The following UGT1A6 variants were observed in gnomAD, a reference collection of about 807,000 sequenced individuals.
The protein encoded by UGT1A6 is UDP glucuronosyltransferase family 1 member A6.
Under a neutral mutation model 44.4 loss-of-function variants are expected in UGT1A6, and 32 were observed. The observed-to-expected ratio is 0.72, with a 90% CI of 0.54 to 0.97. The LOEUF is 0.97. Among genes scored for constraint, UGT1A6 ranks in the 50% least tolerant of loss-of-function variants. The pLI is 0.00. For missense variants in UGT1A6, 685 were observed against 661.9 expected (o/e 1.03, Z -0.38); for synonymous variants, 238 against 248.5 (o/e 0.96, Z 0.40).
intron 1 of UGT1A6, among the ~76,000 whole-genome samples, chr2:233,756,964 A>T (rs1482766015): frequency 6.6e-6 from 1 of 152,056 alleles, no homozygotes; most frequent in African/African-American, 2.4e-5. Flanking sequence ...GGCACTTGGT[A>T]AGCACGCAAT....
rs752968297 is a variant in UGT1A6 at position 233,768,220 on chromosome 2, G to T, written c.1082G>T (p.Gly361Val). 65 of 1,614,160 alleles carry T rather than the reference G, an allele frequency of 4.0e-5. No homozygotes were observed. In the Admixed American group the frequency reaches 1.0e-3, roughly 25 times the overall value. Residue 361 changes from glycine to valine, a missense_variant and splice_region_variant, in exon 4 of 5, where the codon GGT (glycine) becomes GTT (valine). Gly to Val is a moderately radical substitution (Grantham distance 109, BLOSUM62 -3). Transcript: ENST00000305139. Reference sequence around the variant, plus strand: ...ACATCCTCCCTATTTTGCATCTCAGGTCACCCGATGACCCGTGCCTTTATC... The same window carrying T: ...ACATCCTCCCTATTTTGCATCTCAGTTCACCCGATGACCCGTGCCTTTATC... ...VKWLPQNDLL[G>V]HPMTRAFITH...
intron 1 of UGT1A6, chr2:233,743,255 C>T: frequency 2.3e-6 from 1 of 438,832 alleles, no homozygotes; most frequent in Middle Eastern, 3.5e-4. Flanking sequence ...CTCAACTCTC[C>T]ATCTTCCTCC....
chr2:233,747,827 G>A, intron 1 of UGT1A6: 1 of 1,613,482 alleles, frequency 6.2e-7, no homozygotes, highest in Non-Finnish European at 8.5e-7. Context: ...CAGACCACAT[G>A]ACATTCCTGC....
At chr2:233,743,563 C>A (rs546286371) in intron 1 of UGT1A6, 1 of 1,367,296 alleles carries the variant, frequency 7.3e-7, no homozygotes, top group South Asian at 1.1e-5. Flanking sequence ...TATTCTCCAG[C>A]GGGTTTCCCA....
chr2:233,707,242 T>C (rs1364036901), intron 1 of UGT1A6, among the ~76,000 whole-genome samples: 1 of 152,184 alleles, frequency 6.6e-6, no homozygotes, highest in African/African-American at 2.4e-5. Flanking sequence ...ATTATTTCTC[T>C]TGTGTTTTTC....
At chr2:233,751,923 T>G (rs1390474537) in intron 1 of UGT1A6, among the ~76,000 whole-genome samples, 1 of 152,048 alleles carries the variant, frequency 6.6e-6, no homozygotes, top group Non-Finnish European at 1.5e-5. Context: ...ACAAGATTGG[T>G]GGTGATTGAA....
At position 233,704,405 on chromosome 2, in the gene UGT1A6, A is replaced by C. The variant is rs761303272; in HGVS notation, c.861+10540A>C. 5.7e-4 allele frequency among the ~76,000 whole-genome samples: 87 copies of C among 152,010 alleles called. 2 individuals carry two copies. The highest frequency in any genetic ancestry group is 1.3e-4 in the Admixed American group (2 of 15,270). On this transcript the variant is annotated intron_variant, in intron 1 of 4. Coordinates refer to ENST00000305139, the MANE Select transcript of UGT1A6 (RefSeq NM_001072.4). ...ATTTTAACTTACCAGTATCTACTTC[A>C]GATTTATACCAACTTAATTCCAGTT... is the stretch of plus-strand genomic sequence containing the variant.
At chr2:233,701,460 C>A (rs1437947511) in intron 1 of UGT1A6, among the ~76,000 whole-genome samples, 1 of 151,910 alleles carries the variant, frequency 6.6e-6, no homozygotes, top group Admixed American at 6.6e-5. Context: ...ACAAGGATAC[C>A]CAGGAATTGA....
chr2:233,762,377 A>G (rs182919265), intron 1 of UGT1A6, among the ~76,000 whole-genome samples: 1 of 152,252 alleles, frequency 6.6e-6, no homozygotes, highest in African/African-American at 2.4e-5. Context: ...ACCAATATGT[A>G]TATAGAAACA....
At chr2:233,732,018 C>A (rs1393703380) in intron 1 of UGT1A6, among the ~76,000 whole-genome samples, 1 of 152,210 alleles carries the variant, frequency 6.6e-6, no homozygotes, top group East Asian at 1.9e-4. Context: ...TTTTGATTTG[C>A]ATTTCTCTGA....
upstream of UGT1A6, chr2:233,692,823 T>C: frequency 7.0e-7 from 1 of 1,433,698 alleles, no homozygotes; most frequent in South Asian, 1.5e-5. Context: ...ATATTAACCA[T>C]GTGATTAAAA....
At chr2:233,700,335 A>C (rs923955753) in intron 1 of UGT1A6, among the ~76,000 whole-genome samples, 1 of 152,208 alleles carries the variant, frequency 6.6e-6, no homozygotes, top group Non-Finnish European at 1.5e-5. Context: ...CCTCTCTTTC[A>C]AAACCCTGTG....
At chr2:233,716,805 C>T (rs889271295) in intron 1 of UGT1A6, among the ~76,000 whole-genome samples, 2 of 152,120 alleles carry the variant, frequency 1.3e-5, no homozygotes, top group Non-Finnish European at 2.9e-5. Context: ...TGTCTCTGGA[C>T]GTTGCTGGGG....
In UGT1A6 at chr2:233,692,971, CTT is replaced by C. The variant is rs2075123431; in HGVS notation, c.-32_-31del. 2.5e-6 allele frequency: 4 copies of C among 1,611,844 alleles called. No homozygotes were observed. The highest frequency in any genetic ancestry group is 2.2e-5 in the South Asian group (2 of 90,282). The stretch of plus-strand genomic sequence containing the variant: ...CCCTGTGATTTGGAGAGTGAAAACT[CTT>C]TATTACCGTTGTTACTTTAACTCTT... On this transcript the variant is annotated 5_prime_UTR_variant, in exon 1 of 5. Coordinates refer to ENST00000305139, the MANE Select transcript of UGT1A6 (RefSeq NM_001072.4).
chr2:233,737,660 A>G (rs535932919), intron 1 of UGT1A6, among the ~76,000 whole-genome samples: 3 of 152,292 alleles, frequency 2.0e-5, no homozygotes, highest in East Asian at 3.9e-4. Context: ...GGAGCTGCAG[A>G]TCGGAGCTGT....
At chr2:233,746,978 G>A (rs1312298937) in intron 1 of UGT1A6, among the ~76,000 whole-genome samples, 2 of 151,796 alleles carry the variant, frequency 1.3e-5, no homozygotes, top group Non-Finnish European at 2.9e-5. Flanking sequence ...CCCAGAGCGA[G>A]CGCAGGGTCA....
chr2:233,707,077 C>T (rs1486929021), intron 1 of UGT1A6, among the ~76,000 whole-genome samples: 1 of 152,138 alleles, frequency 6.6e-6, no homozygotes. Context: ...TCTGCATGTG[C>T]TCCACTTTGC....
chr2:233,770,680 G>C (rs940972002), intron 4 of UGT1A6: 1 of 151,464 alleles, frequency 6.6e-6, no homozygotes, highest in Non-Finnish European at 1.5e-5. Context: ...AAAAAAGAAG[G>C]TTCCAAGAAA....
rs35350960 is a variant in UGT1A6, at chr2:233,760,973, C to T, written c.862-6061C>T. On this transcript the variant is annotated intron_variant, in intron 1 of 4. Coordinates refer to ENST00000305139, the MANE Select transcript of UGT1A6 (RefSeq NM_001072.4). The stretch of plus-strand genomic sequence containing the variant: ...TTTCTGTGCGACGTGGTTTATTCCC[C>T]GTATGCAACCCTTGCCTCAGAATTC... 4.6e-5 allele frequency: 74 copies of T among 1,614,056 alleles called. No homozygotes were observed. Among genetic ancestry groups the T allele is most frequent in the Non-Finnish European group, 5.4e-5 (64 of 1,180,038 alleles).
Sources: allele counts gnomAD v4.1 joint callset (sites outside exome capture counted in the v4.1 genomes callset), GRCh38; gene constraint gnomAD v4.1.1; transcripts MANE v1.5; gene names NCBI Gene and HGNC (gene_info 2026-07-23, HGNC 2026-07-21).